TSPAN11: variants seen among roughly 807,000 people sequenced by gnomAD.
TSPAN11 encodes the protein tetraspanin-11.
In TSPAN11, 29 loss-of-function variants were observed where a neutral mutation model predicts 32.9. The ratio of observed to expected loss-of-function variants is 0.88; its 90% confidence interval spans 0.66 to 1.20. The LOEUF is 1.20. TSPAN11 is among the 50% of genes most tolerant of loss of function. The pLI is 0.00. For synonymous variants in TSPAN11, 140 were observed against 141.3 expected (o/e 0.99, Z 0.07); for missense variants, 283 against 329.1 (o/e 0.86, Z 1.08).
At position 30,963,972 on chromosome 12, in the gene TSPAN11, G is replaced by C. The variant is rs771429155; in HGVS notation, c.231G>C (p.Leu77=). Reference sequence around the variant, plus strand: ...TACTTGTCATGGTGACCGGCTTCCTGGGCTTCGGTGCCATCCTCTGGGAGC... The same window carrying C: ...TACTTGTCATGGTGACCGGCTTCCTCGGCTTCGGTGCCATCCTCTGGGAGC... The part of the protein sequence containing the change: ...AGVLVMVTGF[L]GFGAILWERK... Residue 77 remains leucine, a synonymous_variant, in exon 3 of 8, where the codon CTG becomes CTC. Coordinates refer to ENST00000546076, the MANE Select transcript of TSPAN11 (RefSeq NM_001370302.1). 8.1e-6 allele frequency: 13 copies of C among 1,613,904 alleles called. No homozygotes were observed. The highest frequency in any genetic ancestry group is 9.3e-6 in the Non-Finnish European group (11 of 1,180,032).
chr12:30,932,638 T>C (rs1295622525), intron 1 of TSPAN11, among the ~76,000 whole-genome samples: 1 of 152,154 alleles, frequency 6.6e-6, no homozygotes, highest in Non-Finnish European at 1.5e-5. Flanking sequence ...TCATACCCTG[T>C]TTGTGTGAGG....
chr12:30,940,995 A>G (rs1348007412), intron 1 of TSPAN11, among the ~76,000 whole-genome samples: 1 of 152,190 alleles, frequency 6.6e-6, no homozygotes, highest in African/African-American at 2.4e-5. Flanking sequence ...TCCCAAAACC[A>G]TCCTCCCCCT....
intron 2 of TSPAN11, among the ~76,000 whole-genome samples, chr12:30,961,837 C>A (rs1273870787): frequency 2.6e-5 from 4 of 152,048 alleles, no homozygotes; most frequent in African/African-American, 9.7e-5. Context: ...GCCTTCCAGG[C>A]ATGCTGAAGG....
chr12:30,930,756 G>T (rs1482102492), intron 1 of TSPAN11, among the ~76,000 whole-genome samples: 2 of 152,236 alleles, frequency 1.3e-5, no homozygotes, highest in African/African-American at 4.8e-5. Flanking sequence ...TCTAATGCTG[G>T]TCTCCCCTGT....
intron 1 of TSPAN11, among the ~76,000 whole-genome samples, chr12:30,949,923 A>T (rs1339721515): frequency 1.3e-5 from 2 of 149,596 alleles, no homozygotes; most frequent in Non-Finnish European, 3.0e-5. Flanking sequence ...TTCTCCTTCT[A>T]CCCTCCCCCT....
chr12:30,960,793 C>T (rs1294049707), intron 2 of TSPAN11, among the ~76,000 whole-genome samples: 6 of 152,010 alleles, frequency 3.9e-5, no homozygotes, highest in Non-Finnish European at 5.9e-5. Flanking sequence ...AATCCCAGCA[C>T]TTTGGGAGGC....
At position 30,975,358 on chromosome 12, in the gene TSPAN11, G is replaced by C. The variant is rs1313433607; in HGVS notation, c.277-3203G>C. On this transcript the variant is annotated intron_variant, in intron 3 of 7. Coordinates refer to ENST00000546076, the MANE Select transcript of TSPAN11 (RefSeq NM_001370302.1). This position sits in a 1 kb window ranked among gnomAD's most constrained non-coding sequence, Gnocchi z 4.5. ...CACCCGCAGCCTCCCTGCTGTGGAA[G>C]CTGCTGCCTGGAGCCAGCACCTGTG... 1.3e-5 allele frequency among the ~76,000 whole-genome samples: 2 copies of C among 152,070 alleles called. No individual in the cohort carries two copies. Among genetic ancestry groups the C allele is most frequent in the Admixed American group, 6.6e-5 (1 of 15,256 alleles).
intron 1 of TSPAN11, among the ~76,000 whole-genome samples, chr12:30,942,949 G>A (rs3950569): frequency 0.5 from 75,941 of 152,048 alleles, 22,053 homozygotes; most frequent in Non-Finnish European, 0.67. Flanking sequence ...AAGGCCAGCA[G>A]TTGCTCAGAA....
chr12:31,004,722 C>T, the TSPAN11 span, among the ~76,000 whole-genome samples: 2 of 152,270 alleles, frequency 1.3e-5, no homozygotes, highest in South Asian at 2.1e-4. Context: ...CGAGAAGGCC[C>T]GCATGTGGTG....
chr12:30,964,106 AGTGGG>A, intron 3 of TSPAN11, 89 bp downstream of exon 3: 1 of 1,476,838 alleles, frequency 6.8e-7, no homozygotes, highest in African/African-American at 1.4e-5. Flanking sequence ...CCAGCCCTGG[AGTGGG>A]AGGGGCTGAG....
intron 3 of TSPAN11, among the ~76,000 whole-genome samples, chr12:30,970,623 G>A (rs1938828739): frequency 6.6e-6 from 1 of 152,110 alleles, no homozygotes; most frequent in Admixed American, 6.5e-5. Flanking sequence ...AGAACCACAA[G>A]TCAGTATCAG....
At position 30,975,961 on chromosome 12, in the gene TSPAN11, A is replaced by G. The variant is rs1387496979; in HGVS notation, c.277-2600A>G. On this transcript the variant is annotated intron_variant, in intron 3 of 7. Coordinates refer to ENST00000546076, the MANE Select transcript of TSPAN11 (RefSeq NM_001370302.1). This position sits in a 1 kb window ranked among gnomAD's most constrained non-coding sequence, Gnocchi z 4.5. ...TCAGCACCGTAGCTGAGGATGGTGG[A>G]GGGAAGTTTGGAGCAGGCAGGAAGG... Among the ~76,000 whole-genome samples the G allele has an allele frequency of 6.6e-6, 1 of 152,072 alleles. No homozygotes were observed. Among genetic ancestry groups the G allele is most frequent in the East Asian group, 1.9e-4 (1 of 5,184 alleles).
At chr12:30,930,888 A>G (rs1314030973) in intron 1 of TSPAN11, among the ~76,000 whole-genome samples, 1 of 152,230 alleles carries the variant, frequency 6.6e-6, no homozygotes, top group Non-Finnish European at 1.5e-5. Context: ...TGGAGGGGGA[A>G]GTGGCTGCAT....
At chr12:30,949,409 AG>A (rs1198741390) in intron 1 of TSPAN11, among the ~76,000 whole-genome samples, 1 of 152,176 alleles carries the variant, frequency 6.6e-6, no homozygotes, top group Non-Finnish European at 1.5e-5. Context: ...ATGGCTGGGG[AG>A]GCCTCAGAAT....
At chr12:30,979,452 A>G (rs1289793858) in intron 4 of TSPAN11, 114 bp from the exon 5 acceptor site, 3 of 931,170 alleles carry the variant, frequency 3.2e-6, no homozygotes, top group East Asian at 4.8e-5. Context: ...GCATCACACC[A>G]TCCACAGTCC....
chr12:31,007,449 G>T, the TSPAN11 span, among the ~76,000 whole-genome samples: 2 of 151,898 alleles, frequency 1.3e-5, no homozygotes, highest in East Asian at 1.9e-4. Flanking sequence ...ACCTGGGATA[G>T]GTCGTCTGCC....
Sources: allele counts gnomAD v4.1 joint callset (sites outside exome capture counted in the v4.1 genomes callset), GRCh38; gene constraint gnomAD v4.1.1; non-coding constraint Gnocchi (gnomAD v3.1); transcripts MANE v1.5; gene names NCBI Gene and HGNC (gene_info 2026-07-23, HGNC 2026-07-21).